MBD5: variants seen among roughly 807,000 people sequenced by gnomAD.
MBD5 encodes the protein methyl-CpG-binding domain protein 5.
MBD5 carries 13 observed loss-of-function variants against 117.3 expected under a neutral mutation model. The observed-to-expected ratio is 0.11, with a 90% CI of 0.07 to 0.18. The LOEUF is 0.18. Among genes scored for constraint, MBD5 ranks in the 10% least tolerant of loss-of-function variants. The pLI, the probability that MBD5 is intolerant of heterozygous loss-of-function variation, is 1.00. For synonymous variants in MBD5, 727 were observed against 766.4 expected (o/e 0.95, Z 0.85); for missense variants, 1,879 against 2,093.8 (o/e 0.90, Z 2.00).
At chr2:148,255,811 A>G (rs147982141) in intron 3 of MBD5, among the ~76,000 whole-genome samples, 54 of 152,354 alleles carry the variant, frequency 3.5e-4, no homozygotes, top group Non-Finnish European at 6.9e-4. Context: ...ATATTGCCCA[A>G]TCATACCTGC....
chr2:148,326,303 G>A (rs1352063836), intron 3 of MBD5, among the ~76,000 whole-genome samples: 1 of 152,202 alleles, frequency 6.6e-6, no homozygotes, highest in African/African-American at 2.4e-5. Flanking sequence ...TGAAAAAAAT[G>A]TATATTCTGT....
At chr2:148,310,541 C>T (rs1484406969) in intron 3 of MBD5, among the ~76,000 whole-genome samples, 1 of 151,982 alleles carries the variant, frequency 6.6e-6, no homozygotes, top group Non-Finnish European at 1.5e-5. Context: ...CTCTTTTCTT[C>T]TTTATTAGTC....
At chr2:148,473,000 A>G (rs1049742899) in intron 8 of MBD5, among the ~76,000 whole-genome samples, 7 of 152,034 alleles carry the variant, frequency 4.6e-5, no homozygotes, top group African/African-American at 1.4e-4. Flanking sequence ...TCTAAAATCC[A>G]TTTTCCTCCC....
At chr2:148,064,153 C>T (rs1234435) in intron 1 of MBD5, among the ~76,000 whole-genome samples, 81,454 of 139,986 alleles carry the variant, frequency 0.58, 24,133 homozygotes, top group Middle Eastern at 0.7. Context: ...TGAGACAGAG[C>T]CTCGCTCTGT....
chr2:148,069,670 T>C (rs1410011169), intron 1 of MBD5, among the ~76,000 whole-genome samples: 2 of 144,264 alleles, frequency 1.4e-5, no homozygotes, highest in Non-Finnish European at 3.0e-5. Flanking sequence ...TCTTAATTAA[T>C]TAATTAATTA....
In MBD5 at chr2:148,296,864, A is replaced by ATTTTTTTTTTTTTTTTTTT. The variant is rs757371602; in HGVS notation, c.-679-45348_-679-45330dup. ...AAGCATAGTTTGCTTTAGTTCTTCA[A>ATTTTTTTTTTTTTTTTTTT]TTTTTTTTTTTTTTTTTTTTGGAGA... On this transcript the variant is annotated intron_variant, in intron 3 of 13. Transcript: ENST00000642680. 3.8e-3 allele frequency among the ~76,000 whole-genome samples: 232 copies of ATTTTTTTTTTTTTTTTTTT among 61,324 alleles called. 49 individuals are homozygous for ATTTTTTTTTTTTTTTTTTT. The highest frequency in any genetic ancestry group is 0.031 in the Middle Eastern group (1 of 32). The allele number at this position is 61,324 out of a possible 152,430, so 40.2% of individuals were successfully genotyped here.
intron 2 of MBD5, among the ~76,000 whole-genome samples, chr2:148,206,898 A>G (rs535216576): frequency 6.6e-6 from 1 of 152,342 alleles, no homozygotes; most frequent in African/African-American, 2.4e-5. Flanking sequence ...AATTGGAAAG[A>G]CAATGCACGT....
intron 4 of MBD5, among the ~76,000 whole-genome samples, chr2:148,381,105 A>C (rs971212220): frequency 2.0e-5 from 3 of 152,228 alleles, no homozygotes; most frequent in Admixed American, 6.5e-5. Flanking sequence ...GCAACGGAAC[A>C]AAGCTGGACA....
At chr2:148,335,254 G>T (rs1472029267) in intron 3 of MBD5, among the ~76,000 whole-genome samples, 3 of 152,096 alleles carry the variant, frequency 2.0e-5, no homozygotes, top group Non-Finnish European at 4.4e-5. Context: ...GGTGGCACAT[G>T]CCTGTAGTCC....
chr2:148,179,051 A>G (rs940651102), intron 2 of MBD5, among the ~76,000 whole-genome samples: 9 of 152,208 alleles, frequency 5.9e-5, no homozygotes, highest in African/African-American at 2.2e-4. Context: ...AGTTAAGAAT[A>G]AAGAATAAAA....
At chr2:148,137,128 T>G (rs761090114) in intron 1 of MBD5, among the ~76,000 whole-genome samples, 14 of 152,156 alleles carry the variant, frequency 9.2e-5, no homozygotes, top group Admixed American at 2.6e-4. Context: ...CTTAATTTCC[T>G]TTATACCCCT....
intron 2 of MBD5, among the ~76,000 whole-genome samples, chr2:148,195,275 G>A (rs184651208): frequency 1.6e-3 from 249 of 152,192 alleles, no homozygotes; most frequent in African/African-American, 5.6e-3. Context: ...AAAATAATAT[G>A]AGAAAAAGTA....
At chr2:148,113,125 T>A (rs1696542061) in intron 1 of MBD5, among the ~76,000 whole-genome samples, 1 of 152,204 alleles carries the variant, frequency 6.6e-6, no homozygotes, top group Admixed American at 6.5e-5. Flanking sequence ...CTTCTACAGC[T>A]ATTCACTGAC....
intron 4 of MBD5, among the ~76,000 whole-genome samples, chr2:148,355,056 C>G (rs1574326590): frequency 6.6e-6 from 1 of 150,706 alleles, no homozygotes; most frequent in Non-Finnish European, 1.5e-5. Flanking sequence ...GTTTGTTGGC[C>G]ATATAAATGT....
chr2:148,149,761 T>C (rs1273592588), intron 1 of MBD5, among the ~76,000 whole-genome samples: 1 of 152,172 alleles, frequency 6.6e-6, no homozygotes, highest in Non-Finnish European at 1.5e-5. Flanking sequence ...TCTGTTCATG[T>C]CCTTCACCCA....
chr2:148,443,653 A>G (rs570830094), intron 4 of MBD5, among the ~76,000 whole-genome samples: 1 of 151,488 alleles, frequency 6.6e-6, no homozygotes, highest in African/African-American at 2.5e-5. Context: ...GACAAACTTC[A>G]CATGTTCTCA....
At chr2:148,424,354 C>G (rs1388669851) in intron 4 of MBD5, among the ~76,000 whole-genome samples, 1 of 151,640 alleles carries the variant, frequency 6.6e-6, no homozygotes, top group Non-Finnish European at 1.5e-5. Context: ...TATATATGCA[C>G]CCAATACGGG....
intron 4 of MBD5, among the ~76,000 whole-genome samples, chr2:148,377,567 TTCTC>T (rs1338973030): frequency 6.6e-6 from 1 of 152,230 alleles, no homozygotes; most frequent in Admixed American, 6.5e-5. Flanking sequence ...CTATTACACT[TTCTC>T]TGCGTTTCTT....
intron 4 of MBD5, among the ~76,000 whole-genome samples, chr2:148,431,976 G>A (rs921058854): frequency 7.2e-5 from 11 of 151,946 alleles, no homozygotes; most frequent in Admixed American, 3.9e-4. Flanking sequence ...TTCCACAATG[G>A]CTGAACCAAT....
Sources: gnomAD v4.1 joint callset for allele counts (sites outside exome capture counted in the v4.1 genomes callset) on GRCh38, gnomAD v4.1.1 for gene constraint, MANE v1.5 for transcripts, NCBI Gene and HGNC (gene_info 2026-07-23, HGNC 2026-07-21) for gene names.